IGF2R: variants seen among roughly 807,000 people sequenced by gnomAD.
IGF2R encodes insulin like growth factor 2 receptor.
A neutral mutation model predicts 270.6 loss-of-function variants in IGF2R; 91 were observed. The observed-to-expected ratio is 0.34, with a 90% confidence interval of 0.28 to 0.40. The LOEUF (loss-of-function observed/expected upper bound fraction) is 0.40, where lower values mean the gene tolerates loss of function less well. IGF2R is among the 10% of genes least tolerant of loss of function. The pLI, the probability that IGF2R is intolerant of heterozygous loss-of-function variation, is 1.00. For missense variants in IGF2R, 2,805 were observed against 3,188.3 expected (o/e 0.88, Z 2.90); for synonymous variants, 1,316 against 1,258.9 (o/e 1.05, Z -0.96).
chr6:160,059,988 A>G (rs1431559797), intron 22 of IGF2R, among the ~76,000 whole-genome samples: 1 of 152,262 alleles, frequency 6.6e-6, no homozygotes, highest in African/African-American at 2.4e-5. Context: ...ATTTTCTGGA[A>G]GAGTAGGAAT....
intron 2 of IGF2R, among the ~76,000 whole-genome samples, chr6:159,999,598 A>G (rs1784099375): frequency 6.6e-6 from 1 of 152,216 alleles, no homozygotes; most frequent in African/African-American, 2.4e-5. Context: ...CTTGTTAGAA[A>G]GGAAAAAATG....
At chr6:160,014,265 A>G (rs1777229272) in intron 4 of IGF2R, among the ~76,000 whole-genome samples, 1 of 152,240 alleles carries the variant, frequency 6.6e-6, no homozygotes, top group South Asian at 2.1e-4. Flanking sequence ...ATTATTATAT[A>G]TAAAACAGCA....
intron 16 of IGF2R, 68 bp from the exon 17 acceptor site, chr6:160,047,724 T>A: frequency 2.0e-6 from 2 of 999,952 alleles, no homozygotes; most frequent in Admixed American, 3.4e-5. Context: ...CGTCCTTTTT[T>A]GAATCCTGGT....
At chr6:160,065,804 GTGTGTGTGTGTATATA>G (rs1276662572) in intron 29 of IGF2R, among the ~76,000 whole-genome samples, 1,049 of 61,480 alleles carry the variant, frequency 0.017, 18 homozygotes, top group African/African-American at 0.07. Flanking sequence ...GTGTGTGTGT[GTGTGTGTGTGTATATA>G]TATATATATA....
intron 5 of IGF2R, 148 bp from the exon 6 acceptor site, chr6:160,027,037 G>A (rs2115226518): frequency 1.1e-5 from 9 of 817,868 alleles, no homozygotes; most frequent in East Asian, 7.9e-5. Flanking sequence ...TTTGCAGAGG[G>A]TTAATGGCTT....
intron 25 of IGF2R, 121 bp downstream of exon 25, chr6:160,062,049 A>G: frequency 1.1e-6 from 1 of 893,760 alleles, no homozygotes; most frequent in Non-Finnish European, 1.7e-6. Context: ...AGTTTCAGCC[A>G]TTGCTAGGGT....
At chr6:159,997,401 C>T (rs1476470642) in intron 2 of IGF2R, among the ~76,000 whole-genome samples, 2 of 152,106 alleles carry the variant, frequency 1.3e-5, no homozygotes, top group Non-Finnish European at 2.9e-5. Context: ...CCACTGCTGC[C>T]GCCACTGCCA....
intron 37 of IGF2R, 64 bp downstream of exon 37, chr6:160,078,426 C>A (rs1778902446): frequency 6.6e-7 from 1 of 1,510,198 alleles, no homozygotes; most frequent in Non-Finnish European, 9.1e-7. Context: ...TGTGAGGCTG[C>A]TGGGAGTGTT....
In IGF2R at chr6:160,089,960, A is replaced by T; in HGVS notation, c.6512A>T (p.Tyr2171Phe). The T allele has an allele frequency of 6.2e-7, 1 of 1,606,862 alleles. No individual in the cohort carries two copies. The highest frequency in any genetic ancestry group is 8.5e-7 in the Non-Finnish European group (1 of 1,176,820). The change falls in exon 44 of 48, where the codon TAC becomes TTC. Residue 2171 changes from tyrosine to phenylalanine, a missense_variant. Coordinates refer to ENST00000356956, the MANE Select transcript of IGF2R (RefSeq NM_000876.4). ...SGDMRTNGDN[Y>F]LYEIQLSSIT... ...GACATGAGGACCAATGGGGACAACT[A>T]CCTGTATGAGATCCAACTTTCCTCC...
intron 10 of IGF2R, among the ~76,000 whole-genome samples, chr6:160,035,744 A>G (rs1777805665): frequency 6.6e-6 from 1 of 152,234 alleles, no homozygotes; most frequent in Admixed American, 6.5e-5. Context: ...TTCACAGACT[A>G]GCAGCAGAGA....
Position 160,085,134 on chromosome 6 carries a change from A to G in IGF2R, c.6205+3A>G, listed in dbSNP as rs1779072510. 1 of 1,612,850 alleles carries G rather than the reference A, an allele frequency of 6.2e-7. No individual in the cohort carries two copies. Among genetic ancestry groups the G allele is most frequent in the African/African-American group, 1.3e-5 (1 of 74,982 alleles). On this transcript the variant is annotated splice_donor_region_variant and intron_variant, in intron 41 of 47. Coordinates refer to ENST00000356956, the MANE Select transcript of IGF2R (RefSeq NM_000876.4). Reference sequence around the variant, plus strand: ...CACGCAGAAGCTGGGTGTCATAGGTAAGGCCTGTGGGTCCTGGTCCTTGGT... The same window carrying G: ...CACGCAGAAGCTGGGTGTCATAGGTGAGGCCTGTGGGTCCTGGTCCTTGGT...
rs1562367071 is a variant in IGF2R at position 160,071,266 on chromosome 6, G to GGCCCGGT, written c.4444-644_4444-643insGCCCGGT. ...CGAGGCCCCTGTGCCCAGGGCCCAG[G>GGCCCGGT]AGGCTGGGAGGGAAGGGTGGGGGTG... On this transcript the variant is annotated intron_variant, in intron 31 of 47. Transcript: ENST00000356956. 3.4e-3 allele frequency among the ~76,000 whole-genome samples: 410 copies of GGCCCGGT among 121,468 alleles called. 12 individuals are homozygous for GGCCCGGT. The highest frequency in any genetic ancestry group is 0.033 in the East Asian group (84 of 2,580). 79.7% of individuals were successfully genotyped at this position (121,468 alleles called of 152,430 possible).
intron 12 of IGF2R, among the ~76,000 whole-genome samples, chr6:160,044,255 T>A (rs1172938087): frequency 1.3e-5 from 2 of 152,208 alleles, no homozygotes; most frequent in Non-Finnish European, 2.9e-5. Context: ...GCATCCTTCA[T>A]GGCGCTTTCT....
chr6:159,969,588 G>T (rs1197127185), intron 1 of IGF2R, among the ~76,000 whole-genome samples, 193 bp downstream of exon 1: 1 of 152,110 alleles, frequency 6.6e-6, no homozygotes, highest in Non-Finnish European at 1.5e-5. Flanking sequence ...TGCGCAGGCG[G>T]GGGGCGCGGG....
At chr6:160,044,397 T>G in intron 12 of IGF2R, 117 bp from the exon 13 acceptor site, 3 of 969,234 alleles carry the variant, frequency 3.1e-6, no homozygotes, top group Non-Finnish European at 4.7e-6. Flanking sequence ...ACGTGCTGGG[T>G]TTGGGCTGAT....
chr6:160,069,989 C>A lies in IGF2R; in HGVS notation c.4374C>A (p.Gly1458=), dbSNP rs768822040. ...DGIIVLKYVD[G]DLCPDGIRKK... ...TAATTGTCCTGAAATACGTTGATGG[C>A]GACTTATGTCCAGATGGGATTCGGA... The change falls in exon 31 of 48, where the codon GGC becomes GGA. Residue 1458 remains glycine (G), a synonymous_variant. Transcript: ENST00000356956. 3 of 1,614,200 alleles carry A rather than the reference C, an allele frequency of 1.9e-6. No homozygotes were observed. The Admixed American group carries it at 5.0e-5, about 27-fold the overall frequency.
chr6:159,978,692 C>T lies in IGF2R; in HGVS notation c.149+9297C>T, dbSNP rs551489336. On this transcript the variant is annotated intron_variant, in intron 1 of 47. Coordinates refer to ENST00000356956, the MANE Select transcript of IGF2R (RefSeq NM_000876.4). ...ACGGTCGTTTAGGTTTTCGAGGTGC[C>T]CAAAGCAATGCGTCATAAGCCTATT... 2.4e-4 allele frequency among the ~76,000 whole-genome samples: 36 copies of T among 152,148 alleles called. No homozygotes were observed. In the South Asian group the frequency reaches 7.5e-3, roughly 32 times the overall value.
At position 159,991,301 on chromosome 6, in the gene IGF2R, G is replaced by C. The variant is rs1483956994; in HGVS notation, c.267G>C (p.Lys89Asn). 3 of 1,612,690 alleles carry C rather than the reference G, an allele frequency of 1.9e-6. No homozygotes were observed. The South Asian group carries it at 3.3e-5, about 18-fold the overall frequency. The change falls in exon 2 of 48, where the codon AAG (lysine) becomes AAC (asparagine). Residue 89 changes from lysine to asparagine, a missense_variant. Coordinates refer to ENST00000356956, the MANE Select transcript of IGF2R (RefSeq NM_000876.4). The part of the protein sequence containing the change: ...PSSAVCMHDL[K>N]TRTYHSVGDS... ...GTGCTGTTTGTATGCACGACTTGAA[G>C]ACACGCACTTATCATTCAGTGGGTA... is the stretch of plus-strand genomic sequence containing the variant.
chr6:160,064,379 T>G, intron 27 of IGF2R, 22 bp from the exon 28 acceptor site: 1 of 1,614,200 alleles, frequency 6.2e-7, no homozygotes, highest in Non-Finnish European at 8.5e-7. Context: ...CAAACCTTGT[T>G]TAATGTTCTC....
Sources: allele counts gnomAD v4.1 joint callset (sites outside exome capture counted in the v4.1 genomes callset), GRCh38; gene constraint gnomAD v4.1.1; transcripts MANE v1.5; gene names NCBI Gene and HGNC (gene_info 2026-07-23, HGNC 2026-07-21).